The following CLCN3 variants were observed in gnomAD, a reference collection of about 807,000 sequenced individuals.
CLCN3 encodes Cl-/H+ antiporter 3, also known as H(+)/Cl(-) exchange transporter 3.
In CLCN3, 16 loss-of-function variants were observed where a neutral mutation model predicts 83.4. The observed-to-expected ratio is 0.19, with a 90% CI of 0.13 to 0.29. The LOEUF (loss-of-function observed/expected upper bound fraction) is 0.29. CLCN3 is among the 10% of genes least tolerant of loss of function. CLCN3 has a pLI of 1.00. For synonymous variants in CLCN3, 322 were observed against 346.2 expected (o/e 0.93, Z 0.78); for missense variants, 544 against 1,006.0 (o/e 0.54, Z 6.21).
intron 3 of CLCN3, among the ~76,000 whole-genome samples, chr4:169,687,043 T>G (rs1186650603): frequency 1.3e-5 from 2 of 152,318 alleles, no homozygotes; most frequent in Admixed American, 1.3e-4. Flanking sequence ...CTGTAATACA[T>G]TGTATTTATG....
intron 2 of CLCN3, among the ~76,000 whole-genome samples, chr4:169,642,489 G>T (rs1265697684): frequency 6.6e-6 from 1 of 151,898 alleles, no homozygotes; most frequent in Non-Finnish European, 1.5e-5. Context: ...ACAGGGCTTT[G>T]TTTTTTGTTT....
At chr4:169,657,047 T>G (rs1304666084) in intron 2 of CLCN3, among the ~76,000 whole-genome samples, 2 of 152,216 alleles carry the variant, frequency 1.3e-5, no homozygotes, top group African/African-American at 2.4e-5. Context: ...GGTCACTTAC[T>G]TTAATTAATT....
chr4:169,690,486 G>A, intron 5 of CLCN3, 44 bp from the exon 6 acceptor site: 3 of 1,585,300 alleles, frequency 1.9e-6, no homozygotes, highest in Non-Finnish European at 2.6e-6. Flanking sequence ...CATTAGAGGT[G>A]CAATGTAAAT....
chr4:169,712,358 T>C (rs1733254664), intron 11 of CLCN3, among the ~76,000 whole-genome samples: 1 of 152,064 alleles, frequency 6.6e-6, no homozygotes, highest in Non-Finnish European at 1.5e-5. Flanking sequence ...TTATCAGCAG[T>C]TTCATTCAGA....
At chr4:169,672,320 A>T (rs1731499209) in intron 2 of CLCN3, among the ~76,000 whole-genome samples, 1 of 152,084 alleles carries the variant, frequency 6.6e-6, no homozygotes, top group Non-Finnish European at 1.5e-5. Context: ...TTGTATTTTT[A>T]ATGAAGTCGG....
intron 2 of CLCN3, among the ~76,000 whole-genome samples, chr4:169,650,223 A>G (rs750471457): frequency 1.3e-5 from 2 of 152,232 alleles, no homozygotes; most frequent in Non-Finnish European, 1.5e-5. Context: ...AGAAAACATT[A>G]ATAAAACAAT....
intron 7 of CLCN3, 83 bp downstream of exon 7, chr4:169,692,403 A>C: frequency 1.6e-6 from 1 of 608,472 alleles, no homozygotes; most frequent in Non-Finnish European, 2.5e-6. Context: ...TAGTGTAAAA[A>C]TAATAAATTC....
At chr4:169,679,409 G>T (rs1002940123) in intron 2 of CLCN3, among the ~76,000 whole-genome samples, 63 of 151,408 alleles carry the variant, frequency 4.2e-4, no homozygotes, top group East Asian at 1.2e-3. Context: ...TTCCTAGACT[G>T]GGCGGCCGGG....
chr4:169,662,503 C>A (rs566269392), intron 2 of CLCN3, among the ~76,000 whole-genome samples: 14 of 151,884 alleles, frequency 9.2e-5, no homozygotes, highest in African/African-American at 3.4e-4. Context: ...GCTAACAAAT[C>A]GAAAAAACTG....
intron 2 of CLCN3, among the ~76,000 whole-genome samples, chr4:169,636,513 T>C (rs1328460192): frequency 2.0e-5 from 3 of 152,202 alleles, no homozygotes; most frequent in Admixed American, 6.5e-5. Context: ...TTCAATATTA[T>C]TTTGATTTCT....
chr4:169,713,141 A>G lies in CLCN3; in HGVS notation c.2212A>G (p.Thr738Ala), dbSNP rs147028755. The change falls in exon 12 of 13, where the codon ACC becomes GCC. Residue 738 changes from threonine to alanine, a missense_variant. This residue lies in a region of CLCN3 where 142 missense variants were observed against 225.0 expected (regional missense o/e 0.63). Coordinates refer to ENST00000513761, the MANE Select transcript of CLCN3 (RefSeq NM_001829.4). ...GSSRVCFAQH[T>A]PSLPAESPRP... is the part of the protein sequence containing the mutation. ...TTCTCGGGTGTGTTTTGCACAGCAC[A>G]CCCCATCTCTTCCAGCAGAAAGTCC... is the stretch of plus-strand genomic sequence containing the variant. 3.2e-5 allele frequency: 51 copies of G among 1,614,176 alleles called. No homozygotes were observed. In the African/African-American group the frequency reaches 5.2e-4, roughly 16 times the overall value.
chr4:169,652,248 TCTTG>T (rs1730751294), intron 2 of CLCN3, among the ~76,000 whole-genome samples: 1 of 152,202 alleles, frequency 6.6e-6, no homozygotes, highest in African/African-American at 2.4e-5. Context: ...CTAATCACTT[TCTTG>T]CTTTACTTTG....
chr4:169,634,168 TA>T (rs918810308), intron 1 of CLCN3, among the ~76,000 whole-genome samples: 2 of 152,144 alleles, frequency 1.3e-5, no homozygotes, highest in African/African-American at 4.8e-5. Context: ...CTTTTAGGGA[TA>T]AAATGGAGGA....
chr4:169,670,487 G>A (rs1246853308), intron 2 of CLCN3, among the ~76,000 whole-genome samples: 1 of 152,092 alleles, frequency 6.6e-6, no homozygotes, highest in Non-Finnish European at 1.5e-5. Context: ...ATGTGTTTTG[G>A]TACCAGTACT....
At chr4:169,695,561 G>A in intron 7 of CLCN3, 51 bp from the exon 8 acceptor site, 1 of 1,287,296 alleles carries the variant, frequency 7.8e-7, no homozygotes, top group African/African-American at 1.5e-5. Context: ...TTTTTATTTG[G>A]TATGTTTGAA....
At position 169,720,173 on chromosome 4, in the gene CLCN3, A is replaced by T; in HGVS notation, c.*176A>T. 2.2e-6 allele frequency: 2 copies of T among 902,238 alleles called. No individual in the cohort carries two copies. Among genetic ancestry groups the T allele is most frequent in the Non-Finnish European group, 1.7e-6 (1 of 589,176 alleles). The allele number at this position is 902,238 out of a possible 1,614,324, so 55.9% of individuals were successfully genotyped here. ...GCAAATAATGCTGGTGGAATGGAGG[A>T]GTTGTTTGGGGAGGGAAAGGAGAGA... On this transcript the variant is annotated 3_prime_UTR_variant, in exon 13 of 13. Transcript: ENST00000513761.
intron 1 of CLCN3, among the ~76,000 whole-genome samples, chr4:169,630,077 A>G (rs1199438728): frequency 6.6e-6 from 1 of 151,894 alleles, no homozygotes; most frequent in Non-Finnish European, 1.5e-5. Flanking sequence ...TTTGTTAAAT[A>G]AAGGGATACT....
chr4:169,627,452 T>C (rs1345831979), intron 1 of CLCN3, among the ~76,000 whole-genome samples: 1 of 152,176 alleles, frequency 6.6e-6, no homozygotes, highest in Non-Finnish European at 1.5e-5. Flanking sequence ...TATCATACCA[T>C]ATTGTTGTTA....
chr4:169,674,928 G>C (rs930805865), intron 2 of CLCN3, among the ~76,000 whole-genome samples: 3 of 152,106 alleles, frequency 2.0e-5, no homozygotes, highest in Admixed American at 6.6e-5. Context: ...TTTTTGTAGA[G>C]ATGGGGTTTT....
Sources: allele counts gnomAD v4.1 joint callset (sites outside exome capture counted in the v4.1 genomes callset), GRCh38; gene constraint gnomAD v4.1.1; regional missense constraint gnomAD v4.1.1; transcripts MANE v1.5; gene names NCBI Gene and HGNC (gene_info 2026-07-23, HGNC 2026-07-21).